FNBP4: variants seen among roughly 807,000 people sequenced by gnomAD.
The protein encoded by FNBP4 is formin binding protein 4, also known as formin-binding protein 4.
FNBP4 carries 34 observed loss-of-function variants against 119.3 expected under a neutral mutation model. That is an observed-to-expected ratio of 0.28 (90% CI 0.22 to 0.38). FNBP4 has a LOEUF of 0.38. FNBP4 is among the 10% of genes least tolerant of loss of function. The pLI, the probability that FNBP4 is intolerant of heterozygous loss-of-function variation, is 1.00. For synonymous variants in FNBP4, 462 were observed against 430.6 expected (o/e 1.07, Z -0.90); for missense variants, 1,112 against 1,228.9 (o/e 0.90, Z 1.42).
At position 47,740,002 on chromosome 11, in the gene FNBP4, G is replaced by A. The variant is rs570028481; in HGVS notation, c.1457-3262C>T. ...TTTAGTAGAGACAGGGTTTCTCCAC[G>A]TTGGTCAGGCTGGTCTCGAACTCTC... On this transcript the variant is annotated intron_variant, in intron 8 of 16. Transcript: ENST00000263773. Among the ~76,000 whole-genome samples the A allele has an allele frequency of 3.9e-5, 6 of 151,958 alleles. No homozygotes were observed. The East Asian group carries it at 5.9e-4, about 15-fold the overall frequency.
Position 47,732,165 on chromosome 11 carries a change from C to A in FNBP4, c.1820+372G>T, listed in dbSNP as rs1010774944. ...TGTTCTTCATTCACATCTTCAGCCA[C>A]GAAGTTTTCCTTAACTTCACCGAGG... is the stretch of plus-strand genomic sequence containing the variant. On this transcript the variant is annotated intron_variant, in intron 11 of 16. Transcript: ENST00000263773. The surrounding 1 kb of genome is among the most constrained non-coding windows in gnomAD (Gnocchi z 4.2). 1 of 1,018,494 alleles carries A rather than the reference C, an allele frequency of 9.8e-7. No homozygotes were observed. The highest frequency in any genetic ancestry group is 1.2e-6 in the Non-Finnish European group (1 of 852,040). 63.1% of individuals were successfully genotyped at this position (1,018,494 alleles called of 1,614,324 possible).
At chr11:47,721,315 G>C (rs529269468) in intron 15 of FNBP4, among the ~76,000 whole-genome samples, 1 of 152,040 alleles carries the variant, frequency 6.6e-6, no homozygotes, top group South Asian at 2.1e-4. Flanking sequence ...AATGGGGCGA[G>C]GCATGGTGGG....
At chr11:47,730,296 G>A (rs1310219101) in intron 12 of FNBP4, 1 of 916,154 alleles carries the variant, frequency 1.1e-6, no homozygotes, top group African/African-American at 1.8e-5. Flanking sequence ...TAAAAGGGAA[G>A]TGAAATGCCC....
At chr11:47,727,213 C>A (rs1395017243) in intron 12 of FNBP4, among the ~76,000 whole-genome samples, 1 of 151,216 alleles carries the variant, frequency 6.6e-6, no homozygotes, top group Admixed American at 6.6e-5. Flanking sequence ...CCACAAATGA[C>A]GAGCATTTTT....
chr11:47,747,083 G>A (rs2097591933), intron 6 of FNBP4, among the ~76,000 whole-genome samples: 1 of 151,858 alleles, frequency 6.6e-6, no homozygotes, highest in Non-Finnish European at 1.5e-5. Context: ...TTGCCCAGGA[G>A]TGCAATTGCG....
At chr11:47,726,913 G>A (rs772398106) in intron 12 of FNBP4, 1 of 152,162 alleles carries the variant, frequency 6.6e-6, no homozygotes, top group Non-Finnish European at 1.5e-5. Flanking sequence ...GTCAAGTGAA[G>A]CAGCAGGACT....
chr11:47,718,178 A>G (rs945235743), intron 16 of FNBP4, among the ~76,000 whole-genome samples: 23 of 152,014 alleles, frequency 1.5e-4, no homozygotes, highest in African/African-American at 5.6e-4. Flanking sequence ...GATATATCTA[A>G]TCCTCAGTCT....
Position 47,736,608 on chromosome 11 carries a change from A to ATACATAC in FNBP4, c.1581+1_1581+7dup, listed in dbSNP as rs1425027006. 6.3e-7 allele frequency: 1 copy of ATACATAC among 1,578,304 alleles called. No individual in the cohort carries two copies. Among genetic ancestry groups the ATACATAC allele is most frequent in the Non-Finnish European group, 8.6e-7 (1 of 1,158,272 alleles). On this transcript the variant is annotated splice_region_variant and intron_variant, in intron 9 of 16. Transcript: ENST00000263773. ...AATTTGTCAAGTTGCATTAAGTAAT[A>ATACATAC]TACATACTTTCAAATCCTGTTCTTC...
intron 2 of FNBP4, among the ~76,000 whole-genome samples, chr11:47,761,988 G>A (rs111980164): frequency 1.7e-3 from 265 of 151,848 alleles, no homozygotes; most frequent in Non-Finnish European, 3.1e-3. Context: ...ACAGGCATGC[G>A]CCACCATGCC....
Position 47,734,986 on chromosome 11 carries a change from C to G in FNBP4, c.1582-857G>C, listed in dbSNP as rs1030591849. 1.4e-4 allele frequency among the ~76,000 whole-genome samples: 16 copies of G among 112,656 alleles called. No homozygotes were observed. The South Asian group carries it at 1.7e-3, about 12-fold the overall frequency. 73.9% of individuals were successfully genotyped at this position (112,656 alleles called of 152,430 possible). ...GACTCCATCACCCCAACACCCCCCC[C>G]CCCAAAAAAAAAGGAAATCTAAAGC... is the stretch of plus-strand genomic sequence containing the variant. On this transcript the variant is annotated intron_variant, in intron 9 of 16. Coordinates refer to ENST00000263773, the MANE Select transcript of FNBP4 (RefSeq NM_015308.5).
Position 47,724,462 on chromosome 11 carries a change from A to G in FNBP4, c.2319+6T>C, listed in dbSNP as rs1206133732. On this transcript the variant is annotated splice_donor_region_variant and intron_variant, in intron 13 of 16. Transcript: ENST00000263773. The stretch of plus-strand genomic sequence containing the variant: ...ATCACTCAGAATGCCAAAGGGAATT[A>G]CTTACCTGGCTAGTTACAACTGTGG... The G allele has an allele frequency of 6.2e-7, 1 of 1,614,224 alleles. No individual in the cohort carries two copies. The highest frequency in any genetic ancestry group is 2.2e-5 in the East Asian group (1 of 44,890).
chr11:47,742,992 TTTTTTTC>T (rs1351051451), intron 8 of FNBP4, among the ~76,000 whole-genome samples: 1 of 152,144 alleles, frequency 6.6e-6, no homozygotes, highest in Non-Finnish European at 1.5e-5. Context: ...CTTTGTTTCT[TTTTTTTC>T]TTTTATCAAG....
chr11:47,740,204 C>G (rs936926997), intron 8 of FNBP4, among the ~76,000 whole-genome samples: 1 of 151,774 alleles, frequency 6.6e-6, no homozygotes, highest in Non-Finnish European at 1.5e-5. Flanking sequence ...CACCTGAGGT[C>G]GGGAGTTCGA....
At chr11:47,730,624 T>C (rs550456155) in intron 12 of FNBP4, among the ~76,000 whole-genome samples, 3 of 152,342 alleles carry the variant, frequency 2.0e-5, no homozygotes, top group South Asian at 4.1e-4. Context: ...AAACGACTCA[T>C]AGACTCTTGC....
At chr11:47,761,065 C>G (rs915674667) in intron 2 of FNBP4, among the ~76,000 whole-genome samples, 6 of 152,076 alleles carry the variant, frequency 3.9e-5, no homozygotes, top group African/African-American at 1.4e-4. Context: ...CAAAGCAAAT[C>G]ATAGGACATA....
intron 6 of FNBP4, among the ~76,000 whole-genome samples, chr11:47,746,771 A>G (rs997986432): frequency 1.3e-5 from 2 of 152,148 alleles, no homozygotes; most frequent in Non-Finnish European, 2.9e-5. Context: ...TCAGCCTCCC[A>G]AAGTGCTGGG....
chr11:47,767,179 G>C lies in FNBP4; in HGVS notation c.110C>G (p.Thr37Ser), dbSNP rs112054219. Residue 37 changes from threonine (T) to serine (S), a missense_variant, in exon 1 of 17, where the codon ACT becomes AGT. By Grantham distance (58) the Thr-to-Ser change is moderately conservative (BLOSUM62 1). Around this residue, in one of 2 missense-constraint regions of FNBP4, gnomAD observed 286 missense variants for 240.1 expected, o/e 1.19. Coordinates refer to ENST00000263773, the MANE Select transcript of FNBP4 (RefSeq NM_015308.5). ...GACCGCCGCGGTTGAGTCCGGCTCA[G>C]TGTCGGGTTCCGGCTCCGGGTCCCG... ...PGRDPEPEPDTEPDSTAAVPS... is the reference protein window; with the variant it reads ...PGRDPEPEPDSEPDSTAAVPS... 29,171 of 1,558,688 alleles carry C rather than the reference G, an allele frequency of 0.019. 329 individuals are homozygous for C. The highest frequency in any genetic ancestry group is 0.023 in the Non-Finnish European group (26,220 of 1,157,576).
At chr11:47,736,282 C>T (rs1206259267) in intron 9 of FNBP4, among the ~76,000 whole-genome samples, 3 of 144,942 alleles carry the variant, frequency 2.1e-5, no homozygotes, top group South Asian at 2.2e-4. Context: ...GCGGGCCGGG[C>T]GCAGTGGCTG....
At chr11:47,736,147 A>C (rs543623660) in intron 9 of FNBP4, among the ~76,000 whole-genome samples, 2 of 151,646 alleles carry the variant, frequency 1.3e-5, no homozygotes, top group East Asian at 3.9e-4. Flanking sequence ...AGGCTGAGGC[A>C]GGAGAAGTGC....
Sources: allele counts gnomAD v4.1 joint callset (sites outside exome capture counted in the v4.1 genomes callset), GRCh38; gene constraint gnomAD v4.1.1; regional missense constraint gnomAD v4.1.1; non-coding constraint Gnocchi (gnomAD v3.1); transcripts MANE v1.5; gene names NCBI Gene and HGNC (gene_info 2026-07-23, HGNC 2026-07-21).